Variants in FIS1 observed in about 807,000 individuals in gnomAD.
The protein encoded by FIS1 is mitochondrial fission 1 protein.
Under a neutral mutation model 21.6 loss-of-function variants are expected in FIS1, and 16 were observed. The observed-to-expected ratio is 0.74, with a 90% CI of 0.50 to 1.12. The LOEUF (loss-of-function observed/expected upper bound fraction) is 1.12. Ranked by LOEUF, FIS1 falls within the 50% of genes most tolerant of loss-of-function variation. FIS1 has a pLI of 0.00. For synonymous variants in FIS1, 92 were observed against 82.2 expected (o/e 1.12, Z -0.65); for missense variants, 198 against 190.9 (o/e 1.04, Z -0.22).
chr7:101,243,069 T>A (rs1338064310), intron 2 of FIS1, among the ~76,000 whole-genome samples: 2 of 152,192 alleles, frequency 1.3e-5, no homozygotes, highest in African/African-American at 4.8e-5. Context: ...TGCGATTTTA[T>A]ATACGGGACT....
Position 101,243,986 on chromosome 7 carries a change from AGG to A in FIS1, c.178+19_178+20del, listed in dbSNP as rs751981444. On this transcript the variant is annotated intron_variant, in intron 2 of 4. Transcript: ENST00000223136. ...AGAGCAGCCCAGATGGCAGCGGGAA[AGG>A]GAGAGTACAGCGCCTCACCCTCGAG... 6.3e-7 allele frequency: 1 copy of A among 1,599,984 alleles called. No homozygotes were observed. Among genetic ancestry groups the A allele is most frequent in the South Asian group, 1.1e-5 (1 of 90,316 alleles).
intron 4 of FIS1, 76 bp from the exon 5 acceptor site, chr7:101,239,979 CCCTCAACAGAGGCACACCCCTA>C: frequency 6.8e-7 from 1 of 1,463,208 alleles, no homozygotes; most frequent in Non-Finnish European, 9.4e-7. Flanking sequence ...CCAGCCCTGC[CCCTCAACAGAGGCACACCCCTA>C]CCTGGAGTCG....
At chr7:101,241,089 AC>A (rs1798741080) in intron 2 of FIS1, 183 bp from the exon 3 acceptor site, 1 of 618,336 alleles carries the variant, frequency 1.6e-6, no homozygotes, top group African/African-American at 1.8e-5. Flanking sequence ...GACAGGGTGA[AC>A]CCCAGCTGTG....
At chr7:101,241,602 T>A (rs1173431900) in intron 2 of FIS1, 1 of 149,438 alleles carries the variant, frequency 6.7e-6, no homozygotes, top group Non-Finnish European at 1.5e-5. Context: ...TCAATCAGCC[T>A]TCCCCGAAGA....
At chr7:101,244,799 G>A (rs1037141416) in intron 1 of FIS1, 161 bp downstream of exon 1, 1 of 788,100 alleles carries the variant, frequency 1.3e-6, no homozygotes, top group Non-Finnish European at 2.1e-6. Context: ...CGGCATAGCA[G>A]GCCCTCCGGG....
intron 1 of FIS1, chr7:101,244,667 A>C: frequency 3.8e-6 from 2 of 527,180 alleles, no homozygotes; most frequent in South Asian, 5.0e-5. Flanking sequence ...CCGCTGGAGG[A>C]GCGCCCTGAG....
rs1325104530 is a variant in FIS1, at chr7:101,243,942, ACTACGGGG to A, written c.178+57_178+64del. On this transcript the variant is annotated intron_variant, in intron 2 of 4. Transcript: ENST00000223136. ...CCGGAGACAACTCAGAGGTGCCTGG[ACTACGGGG>A]CCCACATCGCAGAGCAGCCCAGATG... 2.3e-5 allele frequency: 35 copies of A among 1,547,352 alleles called. No individual in the cohort carries two copies. In the African/African-American group the frequency reaches 4.5e-4, roughly 20 times the overall value.
chr7:101,243,863 A>C, intron 2 of FIS1, 144 bp downstream of exon 2: 2 of 1,111,700 alleles, frequency 1.8e-6, no homozygotes, highest in Non-Finnish European at 2.5e-6. Flanking sequence ...GTAAGTAGCC[A>C]AAAGTTCACT....
chr7:101,243,093 G>T (rs1798769903), intron 2 of FIS1, among the ~76,000 whole-genome samples: 1 of 152,106 alleles, frequency 6.6e-6, no homozygotes, highest in Non-Finnish European at 1.5e-5. Context: ...GTGGCTATTG[G>T]TATCTGTGGG....
rs759139131 is a variant in FIS1 at position 101,245,024 on chromosome 7, C to G, written c.-20G>C. ...CTCCATGGCCACTGCCCCCGCGAGC[C>G]TCACACTACAGTCTACTGTGCCACA... On this transcript the variant is annotated 5_prime_UTR_variant, in exon 1 of 5. Transcript: ENST00000223136. The G allele has an allele frequency of 1.2e-6, 2 of 1,613,814 alleles. No individual in the cohort carries two copies. Among genetic ancestry groups the G allele is most frequent in the Non-Finnish European group, 1.7e-6 (2 of 1,179,856 alleles).
chr7:101,244,883 G>A (rs1301505608), intron 1 of FIS1, 77 bp downstream of exon 1: 1 of 1,569,346 alleles, frequency 6.4e-7, no homozygotes, highest in Non-Finnish European at 8.8e-7. Flanking sequence ...GCCGGGAGGA[G>A]GGTTCGGCCC....
At chr7:101,244,191 C>T (rs1360128986) in intron 1 of FIS1, 52 bp from the exon 2 acceptor site, 2 of 1,586,654 alleles carry the variant, frequency 1.3e-6, no homozygotes, top group Non-Finnish European at 1.7e-6. Flanking sequence ...GTCAACCATT[C>T]TCTATCTGGA....
Position 101,244,133 on chromosome 7 carries a change from C to T in FIS1, c.52G>A (p.Glu18Lys). The change falls in exon 2 of 5, where the codon GAA becomes AAA. Residue 18 changes from glutamate to lysine, a missense_variant. By Grantham distance (56) the Glu-to-Lys change is moderately conservative (BLOSUM62 1). Transcript: ENST00000223136. ...LVSVEDLLKF[E>K]KKFQSEKAAG... is the part of the protein sequence containing the mutation. ...GCCTTCTCAGACTGAAATTTCTTTTCAAACTTCTGCCACAGGGGAGGAAAG... is the reference window on the plus strand; with the variant it reads ...GCCTTCTCAGACTGAAATTTCTTTTTAAACTTCTGCCACAGGGGAGGAAAG... The T allele has an allele frequency of 6.2e-7, 1 of 1,613,252 alleles. No individual in the cohort carries two copies. The highest frequency in any genetic ancestry group is 8.5e-7 in the Non-Finnish European group (1 of 1,179,482).
Position 101,239,639 on chromosome 7 carries a change from A to T in FIS1, c.*167T>A. The stretch of plus-strand genomic sequence containing the variant: ...CCCAAGCCACAGCCCCGTTTTATTT[A>T]CACTCATCCCAAAGCACATGATGGG... On this transcript the variant is annotated 3_prime_UTR_variant, in exon 5 of 5. Transcript: ENST00000223136. The T allele has an allele frequency of 1.4e-6, 1 of 696,056 alleles. No individual in the cohort carries two copies. Among genetic ancestry groups the T allele is most frequent in the Non-Finnish European group, 2.6e-6 (1 of 384,056 alleles). The allele number at this position is 696,056 out of a possible 1,614,324, so 43.1% of individuals were successfully genotyped here. A position where few individuals can be genotyped will look rare whatever the true frequency, so the allele number is the denominator to read the frequency against.
intron 2 of FIS1, chr7:101,241,680 C>T (rs1798752610): frequency 7.5e-6 from 1 of 133,650 alleles, no homozygotes; most frequent in Non-Finnish European, 1.5e-5. Context: ...ACAGGGTGGG[C>T]CGTGAGCCGT....
chr7:101,244,209 T>G (rs1798784547), intron 1 of FIS1, 70 bp from the exon 2 acceptor site: 2 of 1,528,556 alleles, frequency 1.3e-6, no homozygotes, highest in African/African-American at 2.8e-5. Flanking sequence ...GGACATGCCA[T>G]CTCCCTGGCT....
intron 2 of FIS1, chr7:101,241,199 C>CA: frequency 2.6e-6 from 1 of 378,782 alleles, no homozygotes; most frequent in Non-Finnish European, 4.8e-6. Context: ...AAGCCAAAGG[C>CA]AGCGTGACTC....
At chr7:101,243,947 G>A in intron 2 of FIS1, 60 bp downstream of exon 2, 1 of 1,555,326 alleles carries the variant, frequency 6.4e-7, no homozygotes, top group Non-Finnish European at 8.7e-7. Flanking sequence ...CCTGGACTAC[G>A]GGGCCCACAT....
At chr7:101,240,083 G>T (rs998017937) in intron 4 of FIS1, 59 bp downstream of exon 4, 28 of 1,577,906 alleles carry the variant, frequency 1.8e-5, no homozygotes, top group Non-Finnish European at 2.4e-5. Flanking sequence ...TTTACAGAGA[G>T]ACCAAAGTGC....
Sources: allele counts gnomAD v4.1 joint callset (sites outside exome capture counted in the v4.1 genomes callset), GRCh38; gene constraint gnomAD v4.1.1; transcripts MANE v1.5; gene names NCBI Gene and HGNC (gene_info 2026-07-23, HGNC 2026-07-21).